SGCD: variants seen among roughly 807,000 people sequenced by gnomAD.
SGCD encodes sarcoglycan delta.
In SGCD, 18 loss-of-function variants were observed where a neutral mutation model predicts 36.6. The ratio of observed to expected loss-of-function variants is 0.49; its 90% CI spans 0.34 to 0.73. SGCD has a LOEUF of 0.73. Among genes scored for constraint, SGCD ranks in the 30% least tolerant of loss-of-function variants. SGCD has a pLI of 0.01. For synonymous variants in SGCD, 133 were observed against 130.6 expected (o/e 1.02, Z -0.12); for missense variants, 387 against 346.7 (o/e 1.12, Z -0.92).
At chr5:156,393,816 C>A (rs11960866) in intron 3 of SGCD, 6,699 of 456,286 alleles carry the variant, frequency 0.015, 379 homozygotes, top group African/African-American at 0.12. Flanking sequence ...CTGAGAGGAG[C>A]CAGAACCAGG....
At chr5:156,753,229 C>G (rs980287078) in intron 7 of SGCD, among the ~76,000 whole-genome samples, 1 of 152,186 alleles carries the variant, frequency 6.6e-6, no homozygotes, top group Non-Finnish European at 1.5e-5. Context: ...CACAGCCTGG[C>G]CCGGCCCAGC....
chr5:155,953,516 C>T (rs1315669699), intron 1 of SGCD, among the ~76,000 whole-genome samples: 1 of 152,126 alleles, frequency 6.6e-6, no homozygotes, highest in African/African-American at 2.4e-5. Flanking sequence ...TCAGTCATCA[C>T]CTGCTGGTGC....
chr5:155,730,542 T>C, the SGCD span, among the ~76,000 whole-genome samples: 1 of 151,806 alleles, frequency 6.6e-6, no homozygotes, highest in East Asian at 1.9e-4. Flanking sequence ...ACTCCGTTTT[T>C]ACTTAGATTT....
At chr5:156,427,248 A>G (rs182489826) in intron 3 of SGCD, among the ~76,000 whole-genome samples, 33 of 152,302 alleles carry the variant, frequency 2.2e-4, no homozygotes, top group Non-Finnish European at 4.0e-4. Context: ...TTCCTTACAT[A>G]GATCTGTCAC....
chr5:156,524,124 A>G (rs868647096), intron 4 of SGCD, among the ~76,000 whole-genome samples: 2 of 75,698 alleles, frequency 2.6e-5, no homozygotes, highest in African/African-American at 4.8e-5. Flanking sequence ...ATATATATAT[A>G]TATATATATA....
At chr5:156,744,122 A>C (rs146129916) in intron 7 of SGCD, among the ~76,000 whole-genome samples, 131 of 152,310 alleles carry the variant, frequency 8.6e-4, no homozygotes, top group African/African-American at 3.0e-3. Context: ...GGAGTTCAAA[A>C]CCAGGGCAAC....
At chr5:156,602,200 C>G (rs879729191) in intron 6 of SGCD, among the ~76,000 whole-genome samples, 2 of 152,010 alleles carry the variant, frequency 1.3e-5, no homozygotes, top group African/African-American at 4.8e-5. Context: ...TCTTATTTTT[C>G]GTAGCTATTG....
At chr5:155,752,413 T>C in the SGCD span, among the ~76,000 whole-genome samples, 1 of 152,096 alleles carries the variant, frequency 6.6e-6, no homozygotes, top group African/African-American at 2.4e-5. Context: ...ATTTCTTGCA[T>C]GTGCCCTGCT....
intron 4 of SGCD, among the ~76,000 whole-genome samples, chr5:156,573,506 C>T (rs1012680461): frequency 5.3e-5 from 8 of 152,150 alleles, no homozygotes; most frequent in South Asian, 2.1e-4. Flanking sequence ...TCTCCCCAAG[C>T]CTAGTTCTCT....
In SGCD at chr5:156,576,946, CT is replaced by C. The variant is rs903662670; in HGVS notation, c.295-12281del. ...TTTTTTTCCCATTTGTCTATTTTGG[CT>C]TTTGTTGCCATTGCTTTTGGTGTTT... is the stretch of plus-strand genomic sequence containing the variant. On this transcript the variant is annotated intron_variant, in intron 4 of 8. Coordinates refer to ENST00000337851, the MANE Select transcript of SGCD (RefSeq NM_000337.6). Among the ~76,000 whole-genome samples the C allele has an allele frequency of 3.3e-5, 5 of 152,188 alleles. No homozygotes were observed. The East Asian group carries it at 9.7e-4, about 29-fold the overall frequency.
At chr5:155,911,319 G>GTGTATA (rs145927722) in intron 1 of SGCD, among the ~76,000 whole-genome samples, 1,454 of 141,426 alleles carry the variant, frequency 0.01, 15 homozygotes, top group South Asian at 0.028. Context: ...GTGTGTGTGT[G>GTGTATA]TATATATATA....
At chr5:156,715,110 C>A (rs1363784430) in intron 7 of SGCD, among the ~76,000 whole-genome samples, 3 of 152,308 alleles carry the variant, frequency 2.0e-5, no homozygotes, top group African/African-American at 4.8e-5. Context: ...AGGAAACCAT[C>A]TTCCATTCTT....
chr5:156,630,770 T>A (rs1347533037), intron 6 of SGCD, among the ~76,000 whole-genome samples: 1 of 152,188 alleles, frequency 6.6e-6, no homozygotes, highest in Non-Finnish European at 1.5e-5. Context: ...CATGAAACAG[T>A]GCTGGATAGT....
At chr5:156,349,984 C>A (rs1367806521) in intron 3 of SGCD, among the ~76,000 whole-genome samples, 2 of 151,492 alleles carry the variant, frequency 1.3e-5, no homozygotes, top group South Asian at 4.2e-4. Flanking sequence ...ACTCAGGAAT[C>A]AAAAATCTGA....
At chr5:156,588,627 G>A (rs964008439) in intron 4 of SGCD, among the ~76,000 whole-genome samples, 5 of 152,242 alleles carry the variant, frequency 3.3e-5, no homozygotes, top group African/African-American at 7.2e-5. Context: ...AGGCACAGAC[G>A]GCCTAGAGGA....
intron 1 of SGCD, among the ~76,000 whole-genome samples, chr5:155,884,109 C>T (rs564184112): frequency 2.0e-5 from 3 of 152,294 alleles, no homozygotes; most frequent in African/African-American, 7.2e-5. Flanking sequence ...TGCTGTGAGC[C>T]ATTCTGTATA....
At chr5:156,746,002 C>CA (rs765098951) in intron 7 of SGCD, among the ~76,000 whole-genome samples, 3 of 146,688 alleles carry the variant, frequency 2.0e-5, no homozygotes, top group Non-Finnish European at 3.0e-5. Context: ...AAGAAAGACA[C>CA]AAAACCACAA....
chr5:156,082,969 A>G (rs1051699735), intron 1 of SGCD, among the ~76,000 whole-genome samples: 3 of 151,880 alleles, frequency 2.0e-5, no homozygotes, highest in Admixed American at 1.3e-4. Context: ...CCTGAAAGGT[A>G]TGTAGTGGTA....
chr5:156,118,835 A>T (rs1761965824), intron 2 of SGCD, among the ~76,000 whole-genome samples: 1 of 152,162 alleles, frequency 6.6e-6, no homozygotes, highest in South Asian at 2.1e-4. Flanking sequence ...TTATTTTGCT[A>T]TTCATCAGCG....
Sources: gnomAD v4.1 joint callset for allele counts (sites outside exome capture counted in the v4.1 genomes callset) on GRCh38, gnomAD v4.1.1 for gene constraint, MANE v1.5 for transcripts, NCBI Gene and HGNC (gene_info 2026-07-23, HGNC 2026-07-21) for gene names.